Variants in CRBN observed in about 807,000 individuals in gnomAD.
CRBN encodes the protein protein cereblon.
CRBN carries 53 observed loss-of-function variants against 62.2 expected under a neutral mutation model. The ratio of observed to expected loss-of-function variants is 0.85; its 90% CI spans 0.68 to 1.07. The LOEUF is 1.07. CRBN is among the 50% of genes least tolerant of loss of function. CRBN has a pLI of 0.00. For synonymous variants in CRBN, 208 were observed against 176.1 expected (o/e 1.18, Z -1.43); for missense variants, 616 against 531.1 (o/e 1.16, Z -1.57).
intron 10 of CRBN, among the ~76,000 whole-genome samples, chr3:3,151,962 G>T (rs1705804): frequency 0.67 from 101,450 of 151,986 alleles, 36,087 homozygotes; most frequent in Middle Eastern, 0.84. Flanking sequence ...AGTTCTACTG[G>T]GTCATAAGAC....
At chr3:3,174,736 CTT>C (rs1559257842) in intron 2 of CRBN, among the ~76,000 whole-genome samples, 1 of 152,184 alleles carries the variant, frequency 6.6e-6, no homozygotes, top group Non-Finnish European at 1.5e-5. Flanking sequence ...TTTAATCTAA[CTT>C]TAACTCTTAG....
intron 1 of CRBN, among the ~76,000 whole-genome samples, 188 bp downstream of exon 1, chr3:3,179,433 C>G (rs1282637182): frequency 6.6e-6 from 1 of 152,170 alleles, no homozygotes; most frequent in Non-Finnish European, 1.5e-5. Flanking sequence ...GGCAACAGAG[C>G]AGCGAAGAAA....
chr3:3,153,888 G>T, intron 8 of CRBN, 72 bp downstream of exon 8: 2 of 912,012 alleles, frequency 2.2e-6, no homozygotes, highest in Non-Finnish European at 3.7e-6. Context: ...AGCTCCATTG[G>T]CCCCAACAGA....
intron 4 of CRBN, among the ~76,000 whole-genome samples, chr3:3,171,081 A>G (rs1707589530): frequency 6.6e-6 from 1 of 152,216 alleles, no homozygotes; most frequent in Admixed American, 6.5e-5. Flanking sequence ...CTGGGATTAC[A>G]GGCATGAGCC....
chr3:3,152,150 A>ATTT (rs66844241), intron 10 of CRBN, among the ~76,000 whole-genome samples: 97,621 of 146,868 alleles, frequency 0.66, 34,201 homozygotes, highest in Middle Eastern at 0.81. Flanking sequence ...ATTTAAATAA[A>ATTT]TTTTTTTTTT....
rs759195279 is a variant in CRBN, at chr3:3,167,851, A to G, written c.528-58T>C. 73 of 1,532,262 alleles carry G rather than the reference A, an allele frequency of 4.8e-5. No homozygotes were observed. In the Middle Eastern group the frequency reaches 5.0e-4, roughly 11 times the overall value. The allele number at this position is 1,532,262 out of a possible 1,614,324, so 94.9% of individuals were successfully genotyped here. A position where few individuals can be genotyped will look rare whatever the true frequency, so the allele number is the denominator to read the frequency against. The stretch of plus-strand genomic sequence containing the variant: ...TTCTAAGATTGACTAACTCAAAACT[A>G]TAAGTTTCTAAACAGTGATAATTTT... On this transcript the variant is annotated intron_variant, in intron 4 of 10. Coordinates refer to ENST00000231948, the MANE Select transcript of CRBN (RefSeq NM_016302.4).
chr3:3,165,030 A>G (rs1559250587), intron 5 of CRBN, among the ~76,000 whole-genome samples: 2 of 152,156 alleles, frequency 1.3e-5, no homozygotes, highest in African/African-American at 2.4e-5. Flanking sequence ...TCCAACCCTC[A>G]TGGATGACGA....
intron 9 of CRBN, 23 bp downstream of exon 9, chr3:3,153,401 T>C (rs767533718): frequency 2.3e-6 from 3 of 1,310,010 alleles, no homozygotes; most frequent in Admixed American, 1.7e-5. Flanking sequence ...GCAAGTATAT[T>C]AAAAACGTAA....
At chr3:3,153,270 A>G (rs1706713265) in intron 9 of CRBN, 154 bp downstream of exon 9, 2 of 590,126 alleles carry the variant, frequency 3.4e-6, no homozygotes, top group Admixed American at 5.8e-5. Flanking sequence ...AATCTGGAAG[A>G]TGGTCTTAGC....
At position 3,164,840 on chromosome 3, in the gene CRBN, A is replaced by ACTT. The variant is rs1707267376; in HGVS notation, c.687+2793_687+2794insAAG. On this transcript the variant is annotated intron_variant, in intron 5 of 10. Coordinates refer to ENST00000231948, the MANE Select transcript of CRBN (RefSeq NM_016302.4). ...TTAAACTTTCAAATCTTATTATTTAAGAAATACATTTTTCATAGGCTATAG... is the reference window on the plus strand; with the variant it reads ...TTAAACTTTCAAATCTTATTATTTAACTTGAAATACATTTTTCATAGGCTATAG... 2.0e-5 allele frequency among the ~76,000 whole-genome samples: 3 copies of ACTT among 152,366 alleles called. No homozygotes were observed. The South Asian group carries it at 6.2e-4, about 32-fold the overall frequency.
At chr3:3,170,101 T>C (rs933666492) in intron 4 of CRBN, among the ~76,000 whole-genome samples, 1 of 152,142 alleles carries the variant, frequency 6.6e-6, no homozygotes, top group South Asian at 2.1e-4. Flanking sequence ...TGCCTCAGCC[T>C]CCCGAACAGC....
chr3:3,173,106 A>G (rs1439143194), intron 3 of CRBN, among the ~76,000 whole-genome samples, 181 bp from the exon 4 acceptor site: 3 of 152,076 alleles, frequency 2.0e-5, no homozygotes, highest in African/African-American at 7.2e-5. Context: ...TGCCCAGACT[A>G]GAGAGCAGTG....
chr3:3,176,921 G>A (rs1194993559), intron 1 of CRBN, among the ~76,000 whole-genome samples: 8 of 152,182 alleles, frequency 5.3e-5, no homozygotes, highest in African/African-American at 7.2e-5. Context: ...TGTACTAACT[G>A]TGAGTCTGTC....
intron 5 of CRBN, among the ~76,000 whole-genome samples, chr3:3,163,258 T>C (rs115331896): frequency 5.9e-4 from 90 of 152,200 alleles, no homozygotes; most frequent in Non-Finnish European, 1.1e-3. Flanking sequence ...ATGGAGTTAT[T>C]TGTATCACCT....
intron 1 of CRBN, among the ~76,000 whole-genome samples, chr3:3,179,176 A>C (rs1707960178): frequency 6.6e-6 from 1 of 152,196 alleles, no homozygotes; most frequent in African/African-American, 2.4e-5. Context: ...GGGAAGGATT[A>C]AAAGGCGACA....
At chr3:3,154,118 T>G (rs1299268965) in intron 7 of CRBN, 43 bp from the exon 8 acceptor site, 1 of 1,148,700 alleles carries the variant, frequency 8.7e-7, no homozygotes, top group South Asian at 1.2e-5. Context: ...AGGAGTCAGA[T>G]AAGCATCAGA....
chr3:3,167,607 A>G, intron 5 of CRBN, 27 bp downstream of exon 5: 1 of 1,602,696 alleles, frequency 6.2e-7, no homozygotes, highest in South Asian at 1.1e-5. Flanking sequence ...TCATTTTTTG[A>G]AGATGCATAA....
Position 3,150,851 on chromosome 3 carries a change from T to G in CRBN, c.*14A>C. ...AACCAATTTGTTAGATAACTTTATC[T>G]CTATCACATCTGTTTACAAGCAAAG... On this transcript the variant is annotated 3_prime_UTR_variant, in exon 11 of 11. Coordinates refer to ENST00000231948, the MANE Select transcript of CRBN (RefSeq NM_016302.4). The G allele has an allele frequency of 1.2e-6, 2 of 1,611,656 alleles. No individual in the cohort carries two copies. Among genetic ancestry groups the G allele is most frequent in the Non-Finnish European group, 1.7e-6 (2 of 1,178,404 alleles).
rs141122257 is a variant in CRBN, at chr3:3,154,726, C to G, written c.835+21G>C. 487 of 1,359,058 alleles carry G rather than the reference C, an allele frequency of 3.6e-4. 3 individuals are homozygous for G. In the Middle Eastern group the frequency reaches 8.0e-3, roughly 22 times the overall value. 84.2% of individuals were successfully genotyped at this position (1,359,058 alleles called of 1,614,324 possible). A position where few individuals can be genotyped will look rare whatever the true frequency, so the allele number is the denominator to read the frequency against. On this transcript the variant is annotated intron_variant, in intron 7 of 10. Coordinates refer to ENST00000231948, the MANE Select transcript of CRBN (RefSeq NM_016302.4). The stretch of plus-strand genomic sequence containing the variant: ...ATAGCAAGACATCCCAGGCTCCAGG[C>G]AGGAAACTAACTTTTCATACCTATT...
Sources: gnomAD v4.1 joint callset for allele counts (sites outside exome capture counted in the v4.1 genomes callset) on GRCh38, gnomAD v4.1.1 for gene constraint, MANE v1.5 for transcripts, NCBI Gene and HGNC (gene_info 2026-07-23, HGNC 2026-07-21) for gene names.